FAM222B: variants seen among roughly 807,000 people sequenced by gnomAD.
FAM222B encodes family with sequence similarity 222 member B, also known as protein FAM222B.
FAM222B carries 12 observed loss-of-function variants against 38.0 expected under a neutral mutation model. The observed-to-expected ratio is 0.32, with a 90% confidence interval of 0.20 to 0.51. FAM222B has a LOEUF of 0.51. Among genes scored for constraint, FAM222B ranks in the 20% least tolerant of loss-of-function variants. The probability of loss-of-function intolerance (pLI) is 0.97; values close to 1 mark genes in which losing one functional copy is unlikely to be tolerated. For synonymous variants in FAM222B, 329 were observed against 317.2 expected, an observed-to-expected ratio of 1.04 and a Z score of -0.40; for missense variants, 716 against 754.2, an observed-to-expected ratio of 0.95 and a Z score of 0.59.
chr17:28,792,302 ACT>A (rs1436770921), intron 1 of FAM222B, among the ~76,000 whole-genome samples: 113 of 127,416 alleles, frequency 8.9e-4, no homozygotes, highest in African/African-American at 2.9e-3. Flanking sequence ...ACCCAGCAAG[ACT>A]CTGTCTCAAA....
chr17:28,840,940 G>A (rs1204023015), intron 1 of FAM222B, among the ~76,000 whole-genome samples: 2 of 150,512 alleles, frequency 1.3e-5, no homozygotes, highest in Non-Finnish European at 3.0e-5. Flanking sequence ...CAGCCTGGGT[G>A]ACAGAGCAAG....
chr17:28,767,409 C>T (rs892495358), intron 1 of FAM222B, among the ~76,000 whole-genome samples: 1 of 152,020 alleles, frequency 6.6e-6, no homozygotes, highest in African/African-American at 2.4e-5. Flanking sequence ...CCGCCCACCT[C>T]GGCCTCCCAA....
At chr17:28,828,932 T>G (rs1224997984) in intron 1 of FAM222B, among the ~76,000 whole-genome samples, 3 of 151,632 alleles carry the variant, frequency 2.0e-5, no homozygotes, top group Non-Finnish European at 4.4e-5. Context: ...TGAGACGGAG[T>G]CTCGCTCTAT....
chr17:28,768,203 G>A (rs1165846061), intron 1 of FAM222B, among the ~76,000 whole-genome samples: 1 of 152,090 alleles, frequency 6.6e-6, no homozygotes, highest in East Asian at 1.9e-4. Context: ...TATGGCTTTA[G>A]ATCACAGCAA....
At chr17:28,808,890 G>A (rs1024045426) in intron 1 of FAM222B, among the ~76,000 whole-genome samples, 1 of 152,078 alleles carries the variant, frequency 6.6e-6, no homozygotes, top group African/African-American at 2.4e-5. Context: ...CAACACTCAA[G>A]CTGATTATTC....
At chr17:28,791,077 T>G (rs1416711998) in intron 1 of FAM222B, among the ~76,000 whole-genome samples, 9 of 150,932 alleles carry the variant, frequency 6.0e-5, no homozygotes, top group African/African-American at 1.9e-4. Context: ...CCAGCTAATT[T>G]TTTTTTGTAT....
intron 1 of FAM222B, among the ~76,000 whole-genome samples, chr17:28,776,500 A>T (rs1189424085): frequency 7.9e-6 from 1 of 126,908 alleles, no homozygotes; most frequent in Non-Finnish European, 1.6e-5. Context: ...TCTGTCACTC[A>T]GGCTGGAGTA....
chr17:28,789,200 CTTTTTT>C (rs796959212), intron 1 of FAM222B, among the ~76,000 whole-genome samples: 1 of 139,718 alleles, frequency 7.2e-6, no homozygotes, highest in Non-Finnish European at 1.6e-5. Context: ...ATTCTGTGTC[CTTTTTT>C]TTTTTTTTGA....
In FAM222B at chr17:28,828,095, ATTTTTTTTTTTT is replaced by A. The variant is rs528492764; in HGVS notation, c.-41+14575_-41+14586del. On this transcript the variant is annotated intron_variant, in intron 1 of 2. Coordinates refer to ENST00000581407, the MANE Select transcript of FAM222B (RefSeq NM_001077498.3). ...TAAGGAGAAATCAAGATCAAATCCA[ATTTTTTTTTTTT>A]TTTTTTTTTTTTTTTTTTTTGAGAC... Among the ~76,000 whole-genome samples the A allele has an allele frequency of 9.8e-3, 731 of 74,778 alleles. 19 individuals carry two copies. Among genetic ancestry groups the A allele is most frequent in the African/African-American group, 0.047 (696 of 14,752 alleles). 49.1% of individuals were successfully genotyped at this position (74,778 alleles called of 152,430 possible).
intron 1 of FAM222B, among the ~76,000 whole-genome samples, chr17:28,785,512 TTGA>T (rs1046096182): frequency 3.3e-5 from 5 of 152,122 alleles, no homozygotes; most frequent in South Asian, 4.1e-4. Flanking sequence ...AGCCGTGGTT[TTGA>T]TGATGATGAT....
chr17:28,838,892 GTGAAA>G (rs2038941008), intron 1 of FAM222B, among the ~76,000 whole-genome samples: 1 of 151,572 alleles, frequency 6.6e-6, no homozygotes, highest in African/African-American at 2.4e-5. Context: ...GGGCAACAGA[GTGAAA>G]CTTGGTATCA....
chr17:28,822,163 G>C (rs928945718), intron 1 of FAM222B, among the ~76,000 whole-genome samples: 1 of 149,744 alleles, frequency 6.7e-6, no homozygotes, highest in African/African-American at 2.4e-5. Flanking sequence ...CTGGGACTAC[G>C]GGCACGCGCC....
rs755017318 is a variant in FAM222B at position 28,759,002 on chromosome 17, C to G, written c.957G>C (p.Met319Ile). Residue 319 changes from methionine (M) to isoleucine (I), a missense_variant, in exon 3 of 3, where the codon ATG becomes ATC. Physicochemically the swap from Met to Ile is conservative, Grantham distance 10 (BLOSUM62 1). Coordinates refer to ENST00000581407, the MANE Select transcript of FAM222B (RefSeq NM_001077498.3). This position sits in a 1 kb window ranked among gnomAD's most constrained non-coding sequence, Gnocchi z 4.8. Reference protein sequence around the residue: ...RVSTHSVPTPMPSCVVNPMEH... With the variant: ...RVSTHSVPTPIPSCVVNPMEH... ...CCATGGGATTGACCACACATGAAGG[C>G]ATTGGTGTGGGGACGCTGTGGGTCG... 2 of 1,612,836 alleles carry G rather than the reference C, an allele frequency of 1.2e-6. No individual in the cohort carries two copies. The highest frequency in any genetic ancestry group is 2.2e-5 in the South Asian group (2 of 90,824).
chr17:28,777,876 C>T (rs570791070), intron 1 of FAM222B, among the ~76,000 whole-genome samples: 13 of 151,974 alleles, frequency 8.6e-5, no homozygotes, highest in African/African-American at 2.7e-4. Flanking sequence ...GTAGCCTTGA[C>T]TTCCTGGGTT....
intron 1 of FAM222B, among the ~76,000 whole-genome samples, chr17:28,826,842 T>C (rs1369392871): frequency 6.6e-6 from 1 of 151,952 alleles, no homozygotes; most frequent in African/African-American, 2.4e-5. Flanking sequence ...TGTTAGGTGC[T>C]GAAGTTAAAA....
intron 1 of FAM222B, among the ~76,000 whole-genome samples, chr17:28,785,685 G>A (rs1466805823): frequency 6.6e-6 from 1 of 150,462 alleles, no homozygotes; most frequent in Non-Finnish European, 1.5e-5. Context: ...ACAGGCATGT[G>A]CCACCATGCC....
chr17:28,758,918 T>C lies in FAM222B; in HGVS notation c.1041A>G (p.Thr347=). The change falls in exon 3 of 3, where the codon ACA becomes ACG. Residue 347 remains threonine, a synonymous_variant. Coordinates refer to ENST00000581407, the MANE Select transcript of FAM222B (RefSeq NM_001077498.3). The part of the protein sequence containing the change: ...LPAAGPVNLP[T]GISRVPTGYP... ...AGCCAGTGGGGACGCGAGAGATGCC[T>C]GTGGGCAGGTTGACAGGACCTGCAG... 5 of 1,609,528 alleles carry C rather than the reference T, an allele frequency of 3.1e-6. No homozygotes were observed. Among genetic ancestry groups the C allele is most frequent in the Non-Finnish European group, 4.2e-6 (5 of 1,178,306 alleles).
upstream of FAM222B, among the ~76,000 whole-genome samples, chr17:28,844,817 G>A (rs1016241300): frequency 1.3e-5 from 2 of 151,292 alleles, no homozygotes; most frequent in Non-Finnish European, 2.9e-5. Flanking sequence ...CTAAAAAATA[G>A]TGGCCAGGCA....
At chr17:28,797,232 C>A (rs182071997) in intron 1 of FAM222B, among the ~76,000 whole-genome samples, 1 of 151,900 alleles carries the variant, frequency 6.6e-6, no homozygotes, top group African/African-American at 2.4e-5. Context: ...CTGGCCTCAA[C>A]TGATCTGCCC....
Sources: gnomAD v4.1 joint callset for allele counts (sites outside exome capture counted in the v4.1 genomes callset) on GRCh38, gnomAD v4.1.1 for gene constraint, Gnocchi (gnomAD v3.1) non-coding constraint, MANE v1.5 for transcripts, NCBI Gene and HGNC (gene_info 2026-07-23, HGNC 2026-07-21) for gene names.